Variants in AQR observed in about 807,000 individuals in gnomAD.
AQR encodes the protein aquarius intron-binding spliceosomal factor, also known as RNA helicase aquarius.
A neutral mutation model predicts 180.5 loss-of-function variants in AQR; 61 were observed. The ratio of observed to expected loss-of-function variants is 0.34; its 90% confidence interval spans 0.28 to 0.42. AQR has a LOEUF of 0.42. AQR is among the 10% of genes least tolerant of loss of function. The pLI is 1.00. For missense variants in AQR, 1,281 were observed against 1,798.3 expected, an observed-to-expected ratio of 0.71 and a Z score of 5.20; for synonymous variants, 551 against 588.8, an observed-to-expected ratio of 0.94 and a Z score of 0.93.
At chr15:34,882,465 TAAAAA>T (rs34949352) in intron 27 of AQR, 32 bp downstream of exon 27, 57 of 1,200,472 alleles carry the variant, frequency 4.7e-5, no homozygotes, top group African/African-American at 1.1e-4. Flanking sequence ...CTGATAATCT[TAAAAA>T]AAAAAAAAAA....
chr15:34,950,969 A>C (rs1011070843), intron 4 of AQR, among the ~76,000 whole-genome samples: 12 of 152,238 alleles, frequency 7.9e-5, no homozygotes, highest in African/African-American at 2.9e-4. Context: ...CTATCTTAAA[A>C]TCTCTTAGAT....
chr15:34,939,027 TAAGC>T (rs1433917174), intron 8 of AQR, among the ~76,000 whole-genome samples: 2 of 152,182 alleles, frequency 1.3e-5, no homozygotes, highest in African/African-American at 4.8e-5. Flanking sequence ...ATAAGCCACC[TAAGC>T]AAGCACCTCC....
chr15:34,867,622 A>G lies in AQR; in HGVS notation c.3769-13T>C, dbSNP rs185360036. ...CAACAGTTGTCACCTAGAAATAAAA[A>G]ATGGAAAATATGGTGCATTTGCAAA... is the stretch of plus-strand genomic sequence containing the variant. On this transcript the variant is annotated splice_polypyrimidine_tract_variant and intron_variant, in intron 31 of 34. Coordinates refer to ENST00000156471, the MANE Select transcript of AQR (RefSeq NM_014691.3). 4.2e-4 allele frequency: 680 copies of G among 1,600,186 alleles called. 1 individual carries two copies. In the African/African-American group the frequency reaches 6.5e-3, roughly 15 times the overall value.
chr15:34,860,144 T>C lies in AQR; in HGVS notation c.4041A>G (p.Arg1347=), dbSNP rs746483971. 1 of 1,494,688 alleles carries C rather than the reference T, an allele frequency of 6.7e-7. No homozygotes were observed. Among genetic ancestry groups the C allele is most frequent in the Non-Finnish European group, 9.0e-7 (1 of 1,110,030 alleles). The allele number at this position is 1,494,688 out of a possible 1,614,324, so 92.6% of individuals were successfully genotyped here. ...TTATTATTTGTACTTCATGAGATGG[T>C]CTCTCTCCATTCTAGAAGAAGGAAA... ...PFPTTRKNGE[R]PSHEVQIIKN... is the part of the protein sequence containing the mutation. The change falls in exon 34 of 35, where the codon AGA becomes AGG. Residue 1347 remains arginine (R), a synonymous_variant. Coordinates refer to ENST00000156471, the MANE Select transcript of AQR (RefSeq NM_014691.3).
rs1166192194 is a variant in AQR at position 34,874,843 on chromosome 15, G to A, written c.3259C>T (p.Arg1087Ter). The part of the protein sequence containing the change: ...LLQNPQDGFS[R>*]LKRWIMIGDH... The stretch of plus-strand genomic sequence containing the variant: ...CCAATCATAATCCATCGTTTTAGTC[G>A]GCTAAATCCATCCTGAGGATTCTAG... Residue 1087 changes from arginine to a stop codon, truncating the protein, a stop_gained, in exon 29 of 35, where the codon CGA becomes TGA. Transcript: ENST00000156471. LOFTEE classifies it high-confidence loss of function. 4 of 1,613,252 alleles carry A rather than the reference G, an allele frequency of 2.5e-6. No homozygotes were observed. Among genetic ancestry groups the A allele is most frequent in the Non-Finnish European group, 3.4e-6 (4 of 1,179,672 alleles).
At chr15:34,920,773 A>G (rs1893671446) in intron 13 of AQR, among the ~76,000 whole-genome samples, 1 of 152,116 alleles carries the variant, frequency 6.6e-6, no homozygotes, top group South Asian at 2.1e-4. Context: ...GCTGGCTAAC[A>G]TGGTGAAATT....
At position 34,852,539 on chromosome 15, in the gene AQR, T is replaced by C. The variant is rs937979490; in HGVS notation, c.*4253A>G. 7 of 151,834 alleles carry C rather than the reference T, an allele frequency of 4.6e-5. No homozygotes were observed. The highest frequency in any genetic ancestry group is 1.7e-4 in the African/African-American group (7 of 41,418). 9.4% of individuals were successfully genotyped at this position (151,834 alleles called of 1,614,324 possible). A position where few individuals can be genotyped will look rare whatever the true frequency, so the allele number is the denominator to read the frequency against. On this transcript the variant is annotated 3_prime_UTR_variant, in exon 35 of 35. Transcript: ENST00000156471. The stretch of plus-strand genomic sequence containing the variant: ...AATGAACAAAAAGTTTCCCAAACTG[T>C]GTTCTAAGGAAATAGCTACCTATCT...
chr15:34,895,319 A>G (rs1197618573), intron 22 of AQR, among the ~76,000 whole-genome samples: 1 of 149,616 alleles, frequency 6.7e-6, no homozygotes, highest in African/African-American at 2.4e-5. Flanking sequence ...GAACAAATAG[A>G]AAATAAATAA....
intron 15 of AQR, among the ~76,000 whole-genome samples, chr15:34,917,487 T>C (rs1401269376): frequency 1.3e-5 from 2 of 152,066 alleles, no homozygotes; most frequent in African/African-American, 2.4e-5. Context: ...GTGAACAAAC[T>C]AGGCAATACC....
At chr15:34,906,460 T>C in intron 18 of AQR, 85 bp downstream of exon 18, 2 of 1,507,338 alleles carry the variant, frequency 1.3e-6, no homozygotes, top group Admixed American at 4.1e-5. Context: ...AACTAAAAAA[T>C]ATTACCTAAG....
At chr15:34,858,676 T>C (rs1034539775) in intron 34 of AQR, among the ~76,000 whole-genome samples, 4 of 152,210 alleles carry the variant, frequency 2.6e-5, no homozygotes, top group South Asian at 2.1e-4. Context: ...ACTTATGTTA[T>C]CTAATTTCCA....
At chr15:34,881,291 TACCTTGCAGCTGAGGA>T (rs1243752144) in intron 27 of AQR, among the ~76,000 whole-genome samples, 1 of 152,224 alleles carries the variant, frequency 6.6e-6, no homozygotes, top group Non-Finnish European at 1.5e-5. Context: ...GTATTTGTCC[TACCTTGCAGCTGAGGA>T]ACCTTGCATC....
At chr15:34,876,355 T>C (rs1334630780) in intron 27 of AQR, among the ~76,000 whole-genome samples, 20 of 152,170 alleles carry the variant, frequency 1.3e-4, no homozygotes. Context: ...TTTATAATTA[T>C]ATATGAAGTC....
chr15:34,964,464 A>C (rs1424440229), intron 1 of AQR, 174 bp from the exon 2 acceptor site: 1 of 697,332 alleles, frequency 1.4e-6, no homozygotes, highest in Non-Finnish European at 2.7e-6. Context: ...CTTGACCCCA[A>C]ACCACTAAAT....
At chr15:34,913,573 TA>T (rs1555424839) in intron 16 of AQR, among the ~76,000 whole-genome samples, 1 of 152,136 alleles carries the variant, frequency 6.6e-6, no homozygotes, top group Non-Finnish European at 1.5e-5. Flanking sequence ...ATGGTATAAT[TA>T]AAAAAAATTT....
At chr15:34,953,930 A>C (rs192995130) in intron 3 of AQR, among the ~76,000 whole-genome samples, 133 of 152,072 alleles carry the variant, frequency 8.7e-4, no homozygotes, top group African/African-American at 3.1e-3. Flanking sequence ...TTTCTTTTTT[A>C]CTGAGACAGA....
chr15:34,964,634 G>C (rs1332912124), intron 1 of AQR, among the ~76,000 whole-genome samples: 1 of 152,016 alleles, frequency 6.6e-6, no homozygotes, highest in Non-Finnish European at 1.5e-5. Context: ...AAAAATAAGT[G>C]ATCTGCCCAA....
chr15:34,934,549 AAAG>A lies in AQR; in HGVS notation c.783+19_783+21del, dbSNP rs780881322. ...GACCCCCTAATGATTATATAACAAA[AAAG>A]TCACGGTAGATTTCTTACCTCTAGA... On this transcript the variant is annotated intron_variant, in intron 10 of 34. Transcript: ENST00000156471. The A allele has an allele frequency of 2.0e-5, 31 of 1,561,250 alleles. No homozygotes were observed. The highest frequency in any genetic ancestry group is 2.1e-4 in the Middle Eastern group (1 of 4,684).
At position 34,921,758 on chromosome 15, in the gene AQR, A is replaced by G. The variant is rs561501245; in HGVS notation, c.1119-1324T>C. ...CAACCATAATCAGTTTTCTATTTGT[A>G]ATTTTATCTTTTCCAGGAGGTCAAA... is the stretch of plus-strand genomic sequence containing the variant. On this transcript the variant is annotated intron_variant, in intron 13 of 34. Transcript: ENST00000156471. Among the ~76,000 whole-genome samples the G allele has an allele frequency of 3.9e-4, 60 of 152,260 alleles. 2 individuals are homozygous for G. In the South Asian group the frequency reaches 0.011, roughly 28 times the overall value.
Sources: allele counts gnomAD v4.1 joint callset (sites outside exome capture counted in the v4.1 genomes callset), GRCh38; gene constraint gnomAD v4.1.1; transcripts MANE v1.5; gene names NCBI Gene and HGNC (gene_info 2026-07-23, HGNC 2026-07-21).